Variants in MAF observed in about 807,000 individuals in gnomAD.
MAF encodes the protein transcription factor Maf.
A neutral mutation model predicts 22.0 loss-of-function variants in MAF; 10 were observed. The observed-to-expected ratio is 0.45, with a 90% CI of 0.28 to 0.77. The LOEUF (loss-of-function observed/expected upper bound fraction) is 0.77. Ranked by LOEUF, MAF falls within the 30% of genes least tolerant of loss-of-function variation. The pLI, the probability that MAF is intolerant of heterozygous loss-of-function variation, is 0.12. For missense variants in MAF, 544 were observed against 548.4 expected (o/e 0.99, Z 0.08); for synonymous variants, 337 against 255.8 (o/e 1.32, Z -3.03).
chr16:79,211,540 T>C, the MAF span: 1 of 1,605,228 alleles, frequency 6.2e-7, no homozygotes, highest in Non-Finnish European at 8.5e-7. Flanking sequence ...GCCCAGGCAG[T>C]CGAAATGACG....
Position 79,599,263 on chromosome 16 carries a change from C to G in MAF, c.640G>C (p.Gly214Arg). The change falls in exon 1 of 2, where the codon GGG becomes CGG. Residue 214 changes from glycine (G) to arginine (R), a missense_variant. By Grantham distance (125) the Gly-to-Arg change is moderately radical. Around this residue, in one of 5 missense-constraint regions of MAF, gnomAD observed 342 missense variants for 315.5 expected, o/e 1.08. Coordinates refer to ENST00000326043, the MANE Select transcript of MAF (RefSeq NM_005360.5). ...GSAAASAGGAGGAGGGGPASA... is the reference protein window; with the variant it reads ...GSAAASAGGARGAGGGGPASA... ...GCCGGGCCACCGCCGCCCGCGCCCCCAGCGCCACCGGCCGAGGCGGCCGCG... is the reference window on the plus strand; with the variant it reads ...GCCGGGCCACCGCCGCCCGCGCCCCGAGCGCCACCGGCCGAGGCGGCCGCG... The G allele has an allele frequency of 2.0e-6, 2 of 978,448 alleles. No individual in the cohort carries two copies. The highest frequency in any genetic ancestry group is 1.2e-6 in the Non-Finnish European group (1 of 827,338). 60.6% of individuals were successfully genotyped at this position (978,448 alleles called of 1,614,324 possible). A position where few individuals can be genotyped will look rare whatever the true frequency, so the allele number is the denominator to read the frequency against.
the MAF span, among the ~76,000 whole-genome samples, chr16:79,333,243 G>A: frequency 6.6e-6 from 1 of 152,168 alleles, no homozygotes; most frequent in Non-Finnish European, 1.5e-5. Flanking sequence ...GCTCAGCCAT[G>A]AGTCCCTTCC....
chr16:79,259,057 G>A, the MAF span, among the ~76,000 whole-genome samples: 1 of 152,162 alleles, frequency 6.6e-6, no homozygotes, highest in East Asian at 1.9e-4. Flanking sequence ...TCTACATCCT[G>A]ACAACCATCC....
At chr16:79,491,304 T>G in the MAF span, among the ~76,000 whole-genome samples, 1 of 152,186 alleles carries the variant, frequency 6.6e-6, no homozygotes, top group Admixed American at 6.5e-5. Flanking sequence ...TGGGAGGTAG[T>G]AGCTGCCTCA....
the MAF span, among the ~76,000 whole-genome samples, chr16:79,274,316 C>A: frequency 6.6e-6 from 1 of 151,338 alleles, no homozygotes; most frequent in Admixed American, 6.6e-5. Flanking sequence ...TTATGGCTCA[C>A]AAAGATCCAT....
the MAF span, among the ~76,000 whole-genome samples, chr16:79,241,948 T>C: frequency 6.6e-6 from 1 of 151,976 alleles, no homozygotes; most frequent in Non-Finnish European, 1.5e-5. Flanking sequence ...AAACTAAGCT[T>C]CATAAGCAGA....
chr16:79,300,098 G>A, the MAF span, among the ~76,000 whole-genome samples: 305 of 152,234 alleles, frequency 2.0e-3, 1 homozygote, highest in Non-Finnish European at 3.7e-3. Context: ...AAAATGTTTG[G>A]TCATGGGAGG....
the MAF span, among the ~76,000 whole-genome samples, chr16:79,400,962 A>G: frequency 2.0e-4 from 31 of 152,376 alleles, no homozygotes; most frequent in African/African-American, 7.5e-4. Flanking sequence ...TAAACACAGC[A>G]GGGCTCACAC....
the MAF span, among the ~76,000 whole-genome samples, chr16:79,491,317 A>G: frequency 6.6e-6 from 1 of 152,200 alleles, no homozygotes; most frequent in South Asian, 2.1e-4. Context: ...CTGCCTCATG[A>G]AATTAACCAG....
the MAF span, among the ~76,000 whole-genome samples, chr16:79,321,729 C>T: frequency 7.1e-6 from 1 of 140,798 alleles, no homozygotes; most frequent in African/African-American, 2.6e-5. Context: ...CAGCTCACTG[C>T]AAGCTCTGCC....
chr16:79,558,804 G>T, the MAF span, among the ~76,000 whole-genome samples: 1 of 152,292 alleles, frequency 6.6e-6, no homozygotes, highest in South Asian at 2.1e-4. Context: ...GTGGATCTAG[G>T]ATCTTTAGCC....
At chr16:79,595,855 C>A (rs1479640147) in intron 1 of MAF, 3 of 1,058,286 alleles carry the variant, frequency 2.8e-6, no homozygotes, top group Non-Finnish European at 3.4e-6. Context: ...CAGATATGTA[C>A]TTGGAAATAT....
chr16:79,280,038 C>A, the MAF span, among the ~76,000 whole-genome samples: 1 of 152,184 alleles, frequency 6.6e-6, no homozygotes, highest in Non-Finnish European at 1.5e-5. Flanking sequence ...CAGAGTGATT[C>A]TTCTGATGAT....
chr16:79,379,514 C>G, the MAF span, among the ~76,000 whole-genome samples: 1 of 152,024 alleles, frequency 6.6e-6, no homozygotes, highest in Non-Finnish European at 1.5e-5. Context: ...CACACACACA[C>G]ACACACACAC....
At chr16:79,403,345 G>A in the MAF span, among the ~76,000 whole-genome samples, 1 of 152,210 alleles carries the variant, frequency 6.6e-6, no homozygotes, top group Non-Finnish European at 1.5e-5. Flanking sequence ...GAAATCACAA[G>A]CTCTCGCCTG....
At chr16:79,560,662 G>A in the MAF span, among the ~76,000 whole-genome samples, 1 of 152,022 alleles carries the variant, frequency 6.6e-6, no homozygotes, top group East Asian at 1.9e-4. Flanking sequence ...AAATCCTCCT[G>A]AGGAATTTTT....
chr16:79,212,851 G>T, the MAF span: 1 of 152,128 alleles, frequency 6.6e-6, no homozygotes, highest in African/African-American at 2.4e-5. Flanking sequence ...TGTGCTTTGT[G>T]GCTGTCCGTG....
At chr16:79,488,257 T>A in the MAF span, among the ~76,000 whole-genome samples, 1 of 152,040 alleles carries the variant, frequency 6.6e-6, no homozygotes, top group East Asian at 1.9e-4. Context: ...ATGAAGAAAA[T>A]CAAACCTTGT....
the MAF span, among the ~76,000 whole-genome samples, chr16:79,539,570 G>A: frequency 6.6e-6 from 1 of 152,108 alleles, no homozygotes; most frequent in African/African-American, 2.4e-5. Context: ...ACAATTTTTC[G>A]TGAACATTTA....
Sources: allele counts gnomAD v4.1 joint callset (sites outside exome capture counted in the v4.1 genomes callset), GRCh38; gene constraint gnomAD v4.1.1; regional missense constraint gnomAD v4.1.1; transcripts MANE v1.5; gene names NCBI Gene and HGNC (gene_info 2026-07-23, HGNC 2026-07-21).